STX6: variants seen among roughly 807,000 people sequenced by gnomAD.
STX6 encodes syntaxin 6.
STX6 carries 23 observed loss-of-function variants against 38.0 expected under a neutral mutation model. The ratio of observed to expected loss-of-function variants is 0.60; its 90% CI spans 0.43 to 0.86. STX6 has a LOEUF of 0.86. Among genes scored for constraint, STX6 ranks in the 40% least tolerant of loss-of-function variants. The pLI is 0.00. For missense variants in STX6, 274 were observed against 312.9 expected (o/e 0.88, Z 0.94); for synonymous variants, 123 against 107.5 (o/e 1.14, Z -0.89).
chr1:180,988,370 A>T, intron 5 of STX6, 25 bp from the exon 6 acceptor site: 1 of 1,586,380 alleles, frequency 6.3e-7, no homozygotes, highest in East Asian at 2.2e-5. Flanking sequence ...ATGGGAAATA[A>T]GCAATTAAAA....
chr1:180,999,577 A>C (rs1382567663), intron 3 of STX6, among the ~76,000 whole-genome samples: 1 of 152,160 alleles, frequency 6.6e-6, no homozygotes, highest in Non-Finnish European at 1.5e-5. Context: ...AACTCTAAAC[A>C]AGGAAAGCTT....
chr1:180,997,888 A>G lies in STX6; in HGVS notation c.301-4463T>C, dbSNP rs141196107. ...GTGAAAAATAAAATTGTTGACACTA[A>G]TTATTTCTAGGGAGTGAAATTGGAG... is the stretch of plus-strand genomic sequence containing the variant. On this transcript the variant is annotated intron_variant, in intron 3 of 7. Coordinates refer to ENST00000258301, the MANE Select transcript of STX6 (RefSeq NM_005819.6). Among the ~76,000 whole-genome samples, 660 of 152,346 alleles carry G rather than the reference A, an allele frequency of 4.3e-3. 2 individuals are homozygous for G. The highest frequency in any genetic ancestry group is 0.015 in the African/African-American group (636 of 41,588).
chr1:180,993,904 C>A (rs1341451934), intron 3 of STX6, among the ~76,000 whole-genome samples: 1 of 152,168 alleles, frequency 6.6e-6, no homozygotes, highest in Non-Finnish European at 1.5e-5. Context: ...ATGTAAAAAA[C>A]CATGTGCTTT....
At chr1:181,014,016 G>A (rs1002711358) in intron 1 of STX6, among the ~76,000 whole-genome samples, 1 of 152,214 alleles carries the variant, frequency 6.6e-6, no homozygotes, top group Non-Finnish European at 1.5e-5. Flanking sequence ...CAATCTGCTA[G>A]TCAAAGCAGT....
At chr1:181,011,182 A>G (rs1355299101) in intron 1 of STX6, among the ~76,000 whole-genome samples, 1 of 152,254 alleles carries the variant, frequency 6.6e-6, no homozygotes, top group African/African-American at 2.4e-5. Context: ...TAACACAGAC[A>G]TAAGAAAGGT....
In STX6 at chr1:181,022,717, C is replaced by G; in HGVS notation, c.-44G>C. ...GCCTTCACCTCCTCCGCGCACAGGG[C>G]GCCCGTGCCTCCCGGTCTCCCTCCG... On this transcript the variant is annotated 5_prime_UTR_variant, in exon 1 of 8. Coordinates refer to ENST00000258301, the MANE Select transcript of STX6 (RefSeq NM_005819.6). The G allele has an allele frequency of 6.3e-7, 1 of 1,574,834 alleles. No homozygotes were observed.
At chr1:180,989,950 CT>C (rs1417857025) in intron 5 of STX6, 33 bp downstream of exon 5, 1 of 1,611,592 alleles carries the variant, frequency 6.2e-7, no homozygotes, top group Admixed American at 1.7e-5. Flanking sequence ...TTGTTTCCCA[CT>C]GGCCCGTCCT....
At chr1:180,984,020 C>T (rs578165517) in intron 7 of STX6, among the ~76,000 whole-genome samples, 30 of 132,356 alleles carry the variant, frequency 2.3e-4, no homozygotes, top group Middle Eastern at 4.5e-3. Context: ...GCCGAGATTA[C>T]GCCACTGCAC....
At chr1:181,016,078 T>C (rs897667366) in intron 1 of STX6, among the ~76,000 whole-genome samples, 4 of 152,218 alleles carry the variant, frequency 2.6e-5, no homozygotes, top group Admixed American at 2.6e-4. Context: ...GAATTTATGA[T>C]AGAAATCAGA....
intron 1 of STX6, among the ~76,000 whole-genome samples, chr1:181,006,340 G>T (rs1298984106): frequency 6.6e-6 from 1 of 151,540 alleles, no homozygotes; most frequent in East Asian, 1.9e-4. Context: ...TAGGATTACA[G>T]GCATGAGCCA....
At chr1:181,004,455 G>A (rs1429848669) in intron 2 of STX6, among the ~76,000 whole-genome samples, 1 of 152,190 alleles carries the variant, frequency 6.6e-6, no homozygotes, top group African/African-American at 2.4e-5. Flanking sequence ...TGAAGGCTGA[G>A]CTGATCACCA....
chr1:181,008,727 GTTTTTTT>G (rs55654509), intron 1 of STX6, among the ~76,000 whole-genome samples: 5 of 108,710 alleles, frequency 4.6e-5, no homozygotes, highest in East Asian at 2.9e-4. Flanking sequence ...TTCCAAAATT[GTTTTTTT>G]TTTTTTTTTT....
chr1:181,010,930 T>A (rs1236652903), intron 1 of STX6, among the ~76,000 whole-genome samples: 1 of 152,130 alleles, frequency 6.6e-6, no homozygotes, highest in Non-Finnish European at 1.5e-5. Context: ...TAGACTGAAG[T>A]TGAGGAGTGT....
At chr1:180,999,946 A>G (rs1025906908) in intron 3 of STX6, among the ~76,000 whole-genome samples, 2 of 152,218 alleles carry the variant, frequency 1.3e-5, no homozygotes, top group African/African-American at 4.8e-5. Flanking sequence ...AACACTGTTT[A>G]GCTAAATGTG....
intron 1 of STX6, among the ~76,000 whole-genome samples, chr1:181,018,245 T>C (rs1343142844): frequency 6.6e-6 from 1 of 151,654 alleles, no homozygotes; most frequent in Non-Finnish European, 1.5e-5. Context: ...TAGCCAGGCA[T>C]AGTGGCGCAC....
chr1:180,979,282 G>A (rs1655337615), intron 7 of STX6, among the ~76,000 whole-genome samples: 1 of 152,110 alleles, frequency 6.6e-6, no homozygotes, highest in African/African-American at 2.4e-5. Flanking sequence ...GAATATTCCA[G>A]AAATGTGGAA....
chr1:181,001,524 G>A (rs530949473), intron 3 of STX6, among the ~76,000 whole-genome samples: 1 of 152,240 alleles, frequency 6.6e-6, no homozygotes, highest in East Asian at 1.9e-4. Context: ...ATAGATGCTT[G>A]TTTGCTCTGG....
rs1238284634 is a variant in STX6 at position 180,974,223 on chromosome 1, G to C, written c.*2347C>G. Reference sequence around the variant, plus strand: ...GGACTGCCCAGTCAGGGTGCAATGGGATCAGACACAGGATCAAATCAGCCA... The same window carrying C: ...GGACTGCCCAGTCAGGGTGCAATGGCATCAGACACAGGATCAAATCAGCCA... On this transcript the variant is annotated 3_prime_UTR_variant, in exon 8 of 8. Transcript: ENST00000258301. The C allele has an allele frequency of 6.6e-6, 1 of 152,236 alleles. No homozygotes were observed. Among genetic ancestry groups the C allele is most frequent in the African/African-American group, 2.4e-5 (1 of 41,460 alleles). 9.4% of individuals were successfully genotyped at this position (152,236 alleles called of 1,614,324 possible). A position where few individuals can be genotyped will look rare whatever the true frequency, so the allele number is the denominator to read the frequency against.
At chr1:180,987,429 G>A (rs1045888798) in intron 6 of STX6, among the ~76,000 whole-genome samples, 4 of 152,304 alleles carry the variant, frequency 2.6e-5, no homozygotes, top group African/African-American at 4.8e-5. Context: ...CCCTGCAAGC[G>A]GCAAACTCTT....
Sources: allele counts gnomAD v4.1 joint callset (sites outside exome capture counted in the v4.1 genomes callset), GRCh38; gene constraint gnomAD v4.1.1; transcripts MANE v1.5; gene names NCBI Gene and HGNC (gene_info 2026-07-23, HGNC 2026-07-21).